The following CFAP20 variants were observed in gnomAD, a reference collection of about 807,000 sequenced individuals.
The protein encoded by CFAP20 is cilia- and flagella-associated protein 20.
In CFAP20, 14 loss-of-function variants were observed where a neutral mutation model predicts 25.5. That is an observed-to-expected ratio of 0.55 (90% CI 0.36 to 0.86). The LOEUF (loss-of-function observed/expected upper bound fraction) is 0.86, where lower values mean the gene tolerates loss of function less well. CFAP20 is among the 40% of genes least tolerant of loss of function. CFAP20 has a pLI of 0.01. For missense variants in CFAP20, 181 were observed against 248.0 expected (o/e 0.73, Z 1.81); for synonymous variants, 75 against 91.1 (o/e 0.82, Z 1.01).
At position 58,116,076 on chromosome 16, in the gene CFAP20, T is replaced by C; in HGVS notation, c.241A>G (p.Lys81Glu). The change falls in exon 3 of 6, where the codon AAA becomes GAA. Residue 81 changes from lysine (K) to glutamate (E), a missense_variant. By Grantham distance (56) the Lys-to-Glu change is moderately conservative. Coordinates refer to ENST00000262498, the MANE Select transcript of CFAP20 (RefSeq NM_013242.3). ...AAGGTAAAATACTTCTTCAGGTTTTTGATAATCATGACAAGGAAAGGAAGT... is the reference window on the plus strand; with the variant it reads ...AAGGTAAAATACTTCTTCAGGTTTTCGATAATCATGACAAGGAAAGGAAGT... The part of the protein sequence containing the change: ...IKLPFLVMII[K>E]NLKKYFTFEV... 1 of 1,613,590 alleles carries C rather than the reference T, an allele frequency of 6.2e-7. No homozygotes were observed. The highest frequency in any genetic ancestry group is 8.5e-7 in the Non-Finnish European group (1 of 1,179,480).
intron 1 of CFAP20, among the ~76,000 whole-genome samples, chr16:58,119,742 C>T (rs1393063202): frequency 5.3e-5 from 8 of 152,228 alleles, no homozygotes; most frequent in South Asian, 2.1e-4. Flanking sequence ...GTGCAGAATA[C>T]GCCACTACTG....
chr16:58,120,928 C>G (rs1468100756), intron 1 of CFAP20, among the ~76,000 whole-genome samples: 1 of 152,162 alleles, frequency 6.6e-6, no homozygotes, highest in Non-Finnish European at 1.5e-5. Context: ...TGTGAAAAGT[C>G]TCCAGAGGTT....
chr16:58,116,266 C>T, intron 2 of CFAP20, 114 bp from the exon 3 acceptor site: 1 of 691,874 alleles, frequency 1.4e-6, no homozygotes, highest in South Asian at 2.4e-5. Flanking sequence ...CTAAAAGATT[C>T]AGACACGCCA....
At chr16:58,114,400 C>T (rs1326519754) in intron 5 of CFAP20, among the ~76,000 whole-genome samples, 1 of 152,104 alleles carries the variant, frequency 6.6e-6, no homozygotes, top group African/African-American at 2.4e-5. Context: ...GTGGCAGGCG[C>T]CTGTAATCCC....
Position 58,129,221 on chromosome 16 carries a change from AAG to A in CFAP20, c.-108_-107del. The A allele has an allele frequency of 8.5e-7, 1 of 1,181,214 alleles. No individual in the cohort carries two copies. Among genetic ancestry groups the A allele is most frequent in the Non-Finnish European group, 1.2e-6 (1 of 829,980 alleles). The allele number at this position is 1,181,214 out of a possible 1,614,324, so 73.2% of individuals were successfully genotyped here. On this transcript the variant is annotated 5_prime_UTR_variant, in exon 1 of 6. Coordinates refer to ENST00000262498, the MANE Select transcript of CFAP20 (RefSeq NM_013242.3). Reference sequence around the variant, plus strand: ...ACAGCAGCAGGCCGGCCCTGTTCCGAAGAAGGGTGGTTGAGCTCCTGGCCTCC... The same window carrying A: ...ACAGCAGCAGGCCGGCCCTGTTCCGAAAGGGTGGTTGAGCTCCTGGCCTCC...
chr16:58,123,696 C>G (rs1395422480), intron 1 of CFAP20, among the ~76,000 whole-genome samples: 1 of 143,018 alleles, frequency 7.0e-6, no homozygotes, highest in Non-Finnish European at 1.5e-5. Context: ...ATTTTCCTTA[C>G]AACCAGAAGT....
intron 1 of CFAP20, 69 bp downstream of exon 1, chr16:58,128,963 G>A: frequency 1.3e-6 from 2 of 1,482,492 alleles, no homozygotes; most frequent in Middle Eastern, 2.0e-4. Flanking sequence ...ACCATTCCCC[G>A]TCCCCAGCCC....
intron 1 of CFAP20, 85 bp downstream of exon 1, chr16:58,128,947 G>A: frequency 2.1e-6 from 3 of 1,427,578 alleles, no homozygotes; most frequent in Non-Finnish European, 2.9e-6. Flanking sequence ...GCCCCAATTC[G>A]ACACAACCAT....
At chr16:58,116,797 C>T (rs761193487) in intron 2 of CFAP20, 75 bp downstream of exon 2, 1 of 1,362,458 alleles carries the variant, frequency 7.3e-7, no homozygotes, top group Non-Finnish European at 1.0e-6. Flanking sequence ...ACTCCGCAGT[C>T]TGTGCTATTA....
At chr16:58,125,329 C>T (rs577055045) in intron 1 of CFAP20, among the ~76,000 whole-genome samples, 3 of 152,318 alleles carry the variant, frequency 2.0e-5, no homozygotes, top group African/African-American at 7.2e-5. Context: ...TCCTGAAGGA[C>T]CTGCCTAAGG....
At chr16:58,114,119 T>C (rs918902468) in intron 5 of CFAP20, 89 bp from the exon 6 acceptor site, 16 of 1,358,478 alleles carry the variant, frequency 1.2e-5, no homozygotes, top group Non-Finnish European at 1.7e-5. Context: ...CTGGTGACAC[T>C]TGAGTGGACA....
intron 3 of CFAP20, 35 bp downstream of exon 3, chr16:58,116,006 G>A: frequency 6.8e-7 from 1 of 1,473,874 alleles, no homozygotes; most frequent in East Asian, 2.3e-5. Flanking sequence ...CTTTGGTATA[G>A]CCAAGAGTGG....
intron 1 of CFAP20, among the ~76,000 whole-genome samples, chr16:58,123,203 C>G (rs1269227330): frequency 6.6e-6 from 1 of 151,270 alleles, no homozygotes; most frequent in Non-Finnish European, 1.5e-5. Context: ...TCATGTTGGT[C>G]AGGCTGGTCT....
intron 1 of CFAP20, among the ~76,000 whole-genome samples, chr16:58,122,195 G>A (rs1458161260): frequency 6.6e-6 from 1 of 152,238 alleles, no homozygotes; most frequent in African/African-American, 2.4e-5. Context: ...TATCCAGACA[G>A]CAGACAAGCA....
chr16:58,129,059 G>C lies in CFAP20; in HGVS notation c.57C>G (p.Ser19Arg), dbSNP rs903762235. The change falls in exon 1 of 6, where the codon AGC becomes AGG. Residue 19 changes from serine to arginine, a missense_variant. By Grantham distance (110) the Ser-to-Arg change is moderately radical. Transcript: ENST00000262498. ...GFLSILYSIG[S>R]KPLQIWDKKV... is the part of the protein sequence containing the mutation. The stretch of plus-strand genomic sequence containing the variant: ...TTTTGTCCCAGATTTGCAGAGGCTT[G>C]CTGCCGATGCTGTAGAGGATGGAGA... The C allele has an allele frequency of 5.0e-6, 8 of 1,608,576 alleles. No homozygotes were observed. Among genetic ancestry groups the C allele is most frequent in the Non-Finnish European group, 6.8e-6 (8 of 1,177,138 alleles).
In CFAP20 at chr16:58,129,221, A is replaced by T; in HGVS notation, c.-106T>A. On this transcript the variant is annotated 5_prime_UTR_variant, in exon 1 of 6. Coordinates refer to ENST00000262498, the MANE Select transcript of CFAP20 (RefSeq NM_013242.3). The stretch of plus-strand genomic sequence containing the variant: ...ACAGCAGCAGGCCGGCCCTGTTCCG[A>T]AGAAGGGTGGTTGAGCTCCTGGCCT... The T allele has an allele frequency of 8.5e-7, 1 of 1,181,214 alleles. No homozygotes were observed. Among genetic ancestry groups the T allele is most frequent in the Non-Finnish European group, 1.2e-6 (1 of 829,980 alleles). 73.2% of individuals were successfully genotyped at this position (1,181,214 alleles called of 1,614,324 possible).
intron 1 of CFAP20, among the ~76,000 whole-genome samples, chr16:58,128,467 G>A (rs577756563): frequency 6.6e-6 from 1 of 152,278 alleles, no homozygotes; most frequent in South Asian, 2.1e-4. Flanking sequence ...GGGAGCAAAT[G>A]AATGCAATTT....
intron 1 of CFAP20, among the ~76,000 whole-genome samples, chr16:58,119,575 G>T (rs1037613788): frequency 1.3e-5 from 2 of 152,162 alleles, no homozygotes; most frequent in Non-Finnish European, 2.9e-5. Context: ...GGCTAGACGG[G>T]ACCCCAATCC....
rs1051918 is a variant in CFAP20 at position 58,113,809 on chromosome 16, G to A, written c.*216C>T. ...GCGGAATAAGCTCCAGCGTTCATGC[G>A]CCACTCACAGGACTGCTTACCCCCA... On this transcript the variant is annotated 3_prime_UTR_variant, in exon 6 of 6. Coordinates refer to ENST00000262498, the MANE Select transcript of CFAP20 (RefSeq NM_013242.3). 23,557 of 563,632 alleles carry A rather than the reference G, an allele frequency of 0.042. 855 individuals are homozygous for A. The highest frequency in any genetic ancestry group is 0.14 in the South Asian group (6,606 of 46,170). The allele number at this position is 563,632 out of a possible 1,614,324, so 34.9% of individuals were successfully genotyped here.
Sources: allele counts gnomAD v4.1 joint callset (sites outside exome capture counted in the v4.1 genomes callset), GRCh38; gene constraint gnomAD v4.1.1; transcripts MANE v1.5; gene names NCBI Gene and HGNC (gene_info 2026-07-23, HGNC 2026-07-21).